The following C1orf105 variants were observed in gnomAD, a reference collection of about 807,000 sequenced individuals.
C1orf105 encodes uncharacterized protein C1orf105.
C1orf105 carries 17 observed loss-of-function variants against 20.8 expected under a neutral mutation model. That is an observed-to-expected ratio of 0.82 (90% CI 0.56 to 1.23). The LOEUF (loss-of-function observed/expected upper bound fraction) is 1.23. C1orf105 is among the 50% of genes most tolerant of loss of function. The pLI is 0.00. For missense variants in C1orf105, 219 were observed against 213.5 expected, an observed-to-expected ratio of 1.03 and a Z score of -0.16; for synonymous variants, 72 against 72.1, an observed-to-expected ratio of 1.00 and a Z score of 0.01.
At chr1:172,442,379 G>T (rs772574314) in intron 1 of C1orf105, 2 of 1,613,402 alleles carry the variant, frequency 1.2e-6, no homozygotes, top group Admixed American at 3.3e-5. Context: ...AGCCAATGGG[G>T]GGCCAGAAGA....
chr1:172,460,766 T>G (rs1315098873), intron 4 of C1orf105, among the ~76,000 whole-genome samples: 2 of 151,506 alleles, frequency 1.3e-5, no homozygotes, highest in Non-Finnish European at 2.9e-5. Flanking sequence ...TGATGGGGAG[T>G]GAAGGGGCAG....
At chr1:172,431,235 G>A in intron 1 of C1orf105, 1 of 433,964 alleles carries the variant, frequency 2.3e-6, no homozygotes, top group Non-Finnish European at 4.1e-6. Flanking sequence ...GGCCTCTTGT[G>A]ACAAACAGCC....
intron 6 of C1orf105, chr1:172,465,816 A>G (rs1650007701): frequency 5.3e-6 from 2 of 375,330 alleles, no homozygotes; most frequent in South Asian, 2.0e-5. Context: ...TGCCTGTGCT[A>G]TTCTTATCTT....
intron 3 of C1orf105, among the ~76,000 whole-genome samples, chr1:172,451,921 G>A (rs143059059): frequency 0.02 from 2,562 of 129,110 alleles, 44 homozygotes; most frequent in Middle Eastern, 0.11. Flanking sequence ...GCCCCAGGCT[G>A]GAGTGCAATG....
intron 1 of C1orf105, among the ~76,000 whole-genome samples, chr1:172,427,875 T>C (rs1033359522): frequency 6.6e-6 from 1 of 152,234 alleles, no homozygotes; most frequent in East Asian, 1.9e-4. Flanking sequence ...ATCATTTATA[T>C]TGCCAACAAA....
intron 5 of C1orf105, 61 bp from the exon 6 acceptor site, chr1:172,465,238 C>A (rs75608831): frequency 0.059 from 52,532 of 885,612 alleles, 2,036 homozygotes; most frequent in Middle Eastern, 0.11. Context: ...TATAAAGGCA[C>A]ATTTCTTTCT....
chr1:172,461,276 G>GT (rs898056684), intron 4 of C1orf105, among the ~76,000 whole-genome samples: 3 of 152,062 alleles, frequency 2.0e-5, no homozygotes, highest in African/African-American at 7.2e-5. Flanking sequence ...TTTGCATTCA[G>GT]TTTTTTTGCT....
chr1:172,466,121 T>C (rs1573898626), intron 6 of C1orf105, among the ~76,000 whole-genome samples: 1 of 152,134 alleles, frequency 6.6e-6, no homozygotes, highest in African/African-American at 2.4e-5. Flanking sequence ...AAATCTTTTA[T>C]CTTAAGAGGT....
In C1orf105 at chr1:172,445,055, T is replaced by C; in HGVS notation, c.22-18T>C. On this transcript the variant is annotated intron_variant, in intron 1 of 6. Coordinates refer to ENST00000367727, the MANE Select transcript of C1orf105 (RefSeq NM_139240.4). ...TAAGTGTGATATATTCTGTAAAATG[T>C]TCTCTATTTCCCTCTAGGCTTCTGT... The C allele has an allele frequency of 6.3e-7, 1 of 1,591,250 alleles. No individual in the cohort carries two copies. The highest frequency in any genetic ancestry group is 8.6e-7 in the Non-Finnish European group (1 of 1,161,828).
chr1:172,446,844 C>T (rs902027484), intron 2 of C1orf105, among the ~76,000 whole-genome samples: 3 of 152,182 alleles, frequency 2.0e-5, no homozygotes, highest in African/African-American at 7.2e-5. Context: ...GGCAGTTTTT[C>T]CTCCAGCCAG....
chr1:172,438,548 T>A (rs1450481571), intron 1 of C1orf105, among the ~76,000 whole-genome samples: 1 of 152,202 alleles, frequency 6.6e-6, no homozygotes, highest in Non-Finnish European at 1.5e-5. Flanking sequence ...TTGATTACTA[T>A]GAGTAGCAAG....
chr1:172,433,170 G>A (rs2071926228), intron 1 of C1orf105, among the ~76,000 whole-genome samples: 1 of 152,200 alleles, frequency 6.6e-6, no homozygotes, highest in Admixed American at 6.5e-5. Context: ...TGGGGAGAAT[G>A]GAACCAAGTT....
At chr1:172,449,087 C>T (rs534970401) in intron 3 of C1orf105, among the ~76,000 whole-genome samples, 1 of 152,254 alleles carries the variant, frequency 6.6e-6, no homozygotes, top group South Asian at 2.1e-4. Context: ...TGAAAAATTG[C>T]ACATTCCTCA....
intron 1 of C1orf105, among the ~76,000 whole-genome samples, chr1:172,438,142 C>T (rs1369301768): frequency 1.3e-5 from 2 of 152,120 alleles, no homozygotes; most frequent in African/African-American, 2.4e-5. Flanking sequence ...AAAAAGATTC[C>T]TTTCAAAATA....
intron 3 of C1orf105, among the ~76,000 whole-genome samples, chr1:172,453,626 T>A (rs2149182822): frequency 6.6e-6 from 1 of 152,366 alleles, no homozygotes; most frequent in African/African-American, 2.4e-5. Flanking sequence ...GTGTGCCAGG[T>A]TCTATCATAG....
Position 172,445,066 on chromosome 1 carries a change from C to T in C1orf105, c.22-7C>T. 1 of 1,606,106 alleles carries T rather than the reference C, an allele frequency of 6.2e-7. No homozygotes were observed. The highest frequency in any genetic ancestry group is 8.5e-7 in the Non-Finnish European group (1 of 1,174,650). ...TATTCTGTAAAATGTTCTCTATTTC[C>T]CTCTAGGCTTCTGTTCCAAAATTTG... On this transcript the variant is annotated splice_polypyrimidine_tract_variant and splice_region_variant and intron_variant, in intron 1 of 6. Transcript: ENST00000367727.
At chr1:172,442,567 T>C (rs747577600) in intron 1 of C1orf105, 6 of 1,613,988 alleles carry the variant, frequency 3.7e-6, no homozygotes, top group African/African-American at 1.3e-5. Context: ...CTGTCGCTCA[T>C]ACAAGACCTT....
intron 1 of C1orf105, among the ~76,000 whole-genome samples, chr1:172,430,750 A>AT (rs1349444716): frequency 1.3e-5 from 2 of 152,100 alleles, no homozygotes; most frequent in African/African-American, 4.8e-5. Flanking sequence ...CAGATACAGC[A>AT]TTTTTTACAA....
chr1:172,442,380 G>T (rs1256988002), intron 1 of C1orf105: 1 of 1,613,246 alleles, frequency 6.2e-7, no homozygotes, highest in Non-Finnish European at 8.5e-7. Flanking sequence ...GCCAATGGGG[G>T]GCCAGAAGAC....
Sources: allele counts gnomAD v4.1 joint callset (sites outside exome capture counted in the v4.1 genomes callset), GRCh38; gene constraint gnomAD v4.1.1; transcripts MANE v1.5; gene names NCBI Gene and HGNC (gene_info 2026-07-23, HGNC 2026-07-21).